The following STX6 variants were observed in gnomAD, a reference collection of about 807,000 sequenced individuals.
STX6 encodes syntaxin-6.
Under a neutral mutation model 38.0 loss-of-function variants are expected in STX6, and 23 were observed. The ratio of observed to expected loss-of-function variants is 0.60; its 90% confidence interval spans 0.43 to 0.86. The LOEUF (loss-of-function observed/expected upper bound fraction) is 0.86. STX6 is among the 40% of genes least tolerant of loss of function. The pLI is 0.00. For missense variants in STX6, 274 were observed against 312.9 expected, an observed-to-expected ratio of 0.88 and a Z score of 0.94; for synonymous variants, 123 against 107.5, an observed-to-expected ratio of 1.14 and a Z score of -0.89.
intron 6 of STX6, 182 bp downstream of exon 6, chr1:180,988,057 A>C: frequency 2.1e-6 from 1 of 485,762 alleles, no homozygotes. Context: ...CCTGTAGTAA[A>C]ATTTACGAAG....
At chr1:181,008,011 G>C (rs532565311) in intron 1 of STX6, among the ~76,000 whole-genome samples, 265 of 152,282 alleles carry the variant, frequency 1.7e-3, no homozygotes, top group Non-Finnish European at 1.5e-3. Context: ...TGAGAATCCA[G>C]CCTCATACAG....
At chr1:180,984,548 C>CAA in intron 7 of STX6, 129 bp downstream of exon 7, 1 of 439,806 alleles carries the variant, frequency 2.3e-6, no homozygotes, top group African/African-American at 2.0e-5. Context: ...GACTCTGTCT[C>CAA]AAAAAAAAGA....
At chr1:180,981,320 G>GAACC (rs2102301345) in intron 7 of STX6, among the ~76,000 whole-genome samples, 1 of 152,066 alleles carries the variant, frequency 6.6e-6, no homozygotes, top group East Asian at 1.9e-4. Flanking sequence ...ATTTTGCTAG[G>GAACC]AACCTAAAAC....
intron 1 of STX6, among the ~76,000 whole-genome samples, chr1:181,013,586 G>A (rs1300436827): frequency 1.3e-5 from 2 of 152,108 alleles, no homozygotes; most frequent in East Asian, 1.9e-4. Context: ...CCCCTTCATC[G>A]TTTTGATTTA....
At chr1:181,017,741 T>TA (rs1366979359) in intron 1 of STX6, among the ~76,000 whole-genome samples, 6 of 152,160 alleles carry the variant, frequency 3.9e-5, no homozygotes, top group Non-Finnish European at 7.3e-5. Context: ...ACCCGGAGAT[T>TA]AGTAAAGATT....
chr1:181,017,558 T>C (rs534156489), intron 1 of STX6, among the ~76,000 whole-genome samples: 5 of 152,314 alleles, frequency 3.3e-5, no homozygotes, highest in African/African-American at 9.6e-5. Flanking sequence ...TCTTCAGGGT[T>C]TGTCTGATTA....
chr1:180,983,456 T>A (rs947235622), intron 7 of STX6, among the ~76,000 whole-genome samples: 1 of 152,194 alleles, frequency 6.6e-6, no homozygotes, highest in Admixed American at 6.5e-5. Context: ...TTTTTTAAAA[T>A]TTAAAATATA....
chr1:181,018,252 G>A (rs529340460), intron 1 of STX6, among the ~76,000 whole-genome samples: 42 of 151,578 alleles, frequency 2.8e-4, no homozygotes, highest in African/African-American at 9.4e-4. Context: ...GCATAGTGGC[G>A]CACATTGGTA....
At position 180,989,965 on chromosome 1, in the gene STX6, T is replaced by C; in HGVS notation, c.489+19A>G. 6.2e-7 allele frequency: 1 copy of C among 1,612,918 alleles called. No homozygotes were observed. The highest frequency in any genetic ancestry group is 1.1e-5 in the South Asian group (1 of 91,000). ...TTGTTTCCCACTGGCCCGTCCTAAG[T>C]CTGGGGTCCTTGGGGTACCTGCTGC... On this transcript the variant is annotated intron_variant, in intron 5 of 7. Coordinates refer to ENST00000258301, the MANE Select transcript of STX6 (RefSeq NM_005819.6).
rs190806124 is a variant in STX6 at position 181,016,695 on chromosome 1, A to G, written c.35+5944T>C. Among the ~76,000 whole-genome samples, 362 of 152,352 alleles carry G rather than the reference A, an allele frequency of 2.4e-3. 6 individuals are homozygous for G. The highest frequency in any genetic ancestry group is 8.3e-3 in the African/African-American group (347 of 41,584). ...TTAATAAAGCTAGATATGCAGACAG[A>G]GAAGGTTAAAGAACACAACATAACA... On this transcript the variant is annotated intron_variant, in intron 1 of 7. Coordinates refer to ENST00000258301, the MANE Select transcript of STX6 (RefSeq NM_005819.6).
At chr1:180,988,012 G>T in intron 6 of STX6, 3 of 389,004 alleles carry the variant, frequency 7.7e-6, no homozygotes, top group Non-Finnish European at 1.4e-5. Flanking sequence ...TCTGTTTTTG[G>T]AGGTGTTTAA....
chr1:180,986,920 C>G (rs940186250), intron 6 of STX6, among the ~76,000 whole-genome samples: 3 of 152,162 alleles, frequency 2.0e-5, no homozygotes, highest in Non-Finnish European at 1.5e-5. Context: ...GGTCAGGACC[C>G]ATTTTAGATA....
chr1:180,981,714 A>G, intron 7 of STX6, among the ~76,000 whole-genome samples: 1 of 152,212 alleles, frequency 6.6e-6, no homozygotes. Flanking sequence ...TTTCCTCTGA[A>G]GTGGCTAAGC....
intron 7 of STX6, among the ~76,000 whole-genome samples, chr1:180,978,672 T>C (rs766258457): frequency 2.0e-5 from 3 of 152,152 alleles, no homozygotes; most frequent in Non-Finnish European, 4.4e-5. Context: ...CTGACTAACC[T>C]GGGGGAAGGA....
intron 1 of STX6, among the ~76,000 whole-genome samples, chr1:181,018,985 C>A (rs567576269): frequency 6.6e-6 from 1 of 152,270 alleles, no homozygotes; most frequent in African/African-American, 2.4e-5. Context: ...AGCTGTGTGA[C>A]CCTAGGCAAG....
intron 3 of STX6, among the ~76,000 whole-genome samples, chr1:180,995,024 G>A (rs1213890006): frequency 3.3e-5 from 5 of 150,724 alleles, no homozygotes; most frequent in South Asian, 4.2e-4. Flanking sequence ...ATGCAGTGAC[G>A]TAATCTCGGC....
intron 1 of STX6, among the ~76,000 whole-genome samples, chr1:181,016,827 C>G (rs188051905): frequency 6.6e-6 from 1 of 152,212 alleles, no homozygotes; most frequent in African/African-American, 2.4e-5. Flanking sequence ...TGGCTCATGC[C>G]TGTAATCCAA....
At chr1:181,005,528 G>A in intron 1 of STX6, 65 bp from the exon 2 acceptor site, 1 of 1,508,656 alleles carries the variant, frequency 6.6e-7, no homozygotes. Context: ...GTTACTGCAT[G>A]ATTTAGGTTA....
chr1:180,997,382 T>C (rs1425654288), intron 3 of STX6, among the ~76,000 whole-genome samples: 1 of 152,262 alleles, frequency 6.6e-6, no homozygotes, highest in African/African-American at 2.4e-5. Flanking sequence ...TGATACTCAG[T>C]TATTAGAAAA....
Sources: allele counts gnomAD v4.1 joint callset (sites outside exome capture counted in the v4.1 genomes callset), GRCh38; gene constraint gnomAD v4.1.1; transcripts MANE v1.5; gene names NCBI Gene and HGNC (gene_info 2026-07-23, HGNC 2026-07-21).